Variants in ADAMTS16 observed in about 807,000 individuals in gnomAD.
ADAMTS16 encodes A disintegrin and metalloproteinase with thrombospondin motifs 16.
In ADAMTS16, 94 loss-of-function variants were observed where a neutral mutation model predicts 145.8. The ratio of observed to expected loss-of-function variants is 0.64; its 90% confidence interval spans 0.55 to 0.77. The LOEUF (loss-of-function observed/expected upper bound fraction) is 0.77, where lower values mean the gene tolerates loss of function less well. Among genes scored for constraint, ADAMTS16 ranks in the 30% least tolerant of loss-of-function variants. The pLI, the probability that ADAMTS16 is intolerant of heterozygous loss-of-function variation, is 0.00. For synonymous variants in ADAMTS16, 659 were observed against 604.3 expected, an observed-to-expected ratio of 1.09 and a Z score of -1.33; for missense variants, 1,585 against 1,591.5, an observed-to-expected ratio of 1.00 and a Z score of 0.07.
At chr5:5,256,667 C>T (rs1737793868) in intron 17 of ADAMTS16, among the ~76,000 whole-genome samples, 1 of 152,188 alleles carries the variant, frequency 6.6e-6, no homozygotes, top group South Asian at 2.1e-4. Flanking sequence ...CAAAGCAAAA[C>T]AGATTCCTTA....
intron 3 of ADAMTS16, among the ~76,000 whole-genome samples, chr5:5,172,592 G>A (rs1309716432): frequency 6.6e-6 from 1 of 151,994 alleles, no homozygotes; most frequent in Admixed American, 6.6e-5. Flanking sequence ...ATTTCATTGT[G>A]GTTAGAGAAA....
At chr5:5,211,302 G>GA (rs1230475248) in intron 10 of ADAMTS16, among the ~76,000 whole-genome samples, 12 of 152,036 alleles carry the variant, frequency 7.9e-5, no homozygotes, top group Non-Finnish European at 1.8e-4. Context: ...AATTTCATTG[G>GA]AAAAAGTAAA....
intron 18 of ADAMTS16, among the ~76,000 whole-genome samples, chr5:5,294,897 A>G (rs1739470892): frequency 6.6e-6 from 1 of 152,224 alleles, no homozygotes; most frequent in Non-Finnish European, 1.5e-5. Flanking sequence ...GATGTCTATA[A>G]GCAATGGTTT....
chr5:5,215,870 G>GTGTATATATATA (rs1260354840), intron 10 of ADAMTS16, among the ~76,000 whole-genome samples: 10 of 101,600 alleles, frequency 9.8e-5, no homozygotes, highest in South Asian at 3.0e-4. Context: ...GTGTGTATGT[G>GTGTATATATATA]TATATATATA....
At position 5,259,950 on chromosome 5, in the gene ADAMTS16, C is replaced by G. The variant is rs1737947326; in HGVS notation, c.2663-2707C>G. 2.0e-5 allele frequency among the ~76,000 whole-genome samples: 3 copies of G among 152,280 alleles called. No individual in the cohort carries two copies. The South Asian group carries it at 6.2e-4, about 32-fold the overall frequency. On this transcript the variant is annotated intron_variant, in intron 17 of 22. Transcript: ENST00000274181. The stretch of plus-strand genomic sequence containing the variant: ...CTCCCCCGACCTCCACTTCTCCTGC[C>G]TGGGGGGACTTTGGACACTCAAAGG...
At chr5:5,183,411 A>G (rs1039536984) in intron 4 of ADAMTS16, among the ~76,000 whole-genome samples, 1 of 152,214 alleles carries the variant, frequency 6.6e-6, no homozygotes, top group African/African-American at 2.4e-5. Context: ...AGGCTTCCCC[A>G]AGGTCAGAGT....
At chr5:5,198,400 C>G (rs1235758820) in intron 8 of ADAMTS16, among the ~76,000 whole-genome samples, 1 of 152,170 alleles carries the variant, frequency 6.6e-6, no homozygotes, top group African/African-American at 2.4e-5. Context: ...TGGTACTGAT[C>G]AAGAATTTTG....
intron 15 of ADAMTS16, 118 bp from the exon 16 acceptor site, chr5:5,239,563 T>TAC: frequency 7.0e-7 from 1 of 1,433,146 alleles, no homozygotes; most frequent in Non-Finnish European, 9.5e-7. Context: ...GAACACGTCT[T>TAC]CACCCAGTTC....
chr5:5,148,027 A>T (rs1486468733), intron 3 of ADAMTS16, among the ~76,000 whole-genome samples: 1 of 152,218 alleles, frequency 6.6e-6, no homozygotes, highest in Non-Finnish European at 1.5e-5. Context: ...GATCAGAGTT[A>T]ACAGGAAAAG....
chr5:5,318,371 G>A, intron 22 of ADAMTS16, 90 bp downstream of exon 22: 1 of 1,229,816 alleles, frequency 8.1e-7, no homozygotes, highest in Non-Finnish European at 1.1e-6. Flanking sequence ...TGGAGTTAGG[G>A]TCTTGCGTCT....
At chr5:5,244,722 A>G (rs1737390051) in intron 17 of ADAMTS16, among the ~76,000 whole-genome samples, 1 of 152,230 alleles carries the variant, frequency 6.6e-6, no homozygotes, top group Admixed American at 6.5e-5. Flanking sequence ...GGGAAGCACA[A>G]CGTGTTCTTC....
At chr5:5,243,295 C>T (rs1737351514) in intron 17 of ADAMTS16, among the ~76,000 whole-genome samples, 1 of 152,190 alleles carries the variant, frequency 6.6e-6, no homozygotes, top group Non-Finnish European at 1.5e-5. Context: ...TTAGGAAAAA[C>T]ATGACTACCT....
chr5:5,250,111 G>T (rs1033322852), intron 17 of ADAMTS16, among the ~76,000 whole-genome samples: 2 of 152,190 alleles, frequency 1.3e-5, no homozygotes, highest in Non-Finnish European at 2.9e-5. Flanking sequence ...AGGATAGGGG[G>T]CAAGGTGAGC....
chr5:5,316,518 G>A (rs1734063625), intron 21 of ADAMTS16, among the ~76,000 whole-genome samples: 1 of 152,114 alleles, frequency 6.6e-6, no homozygotes, highest in Admixed American at 6.5e-5. Flanking sequence ...ATCTTTAGCT[G>A]CCTAACCACT....
intron 17 of ADAMTS16, among the ~76,000 whole-genome samples, chr5:5,261,239 C>A (rs1043308228): frequency 1.3e-5 from 2 of 151,898 alleles, no homozygotes; most frequent in African/African-American, 4.8e-5. Flanking sequence ...CTTCCAGGCT[C>A]GAGTGATCTC....
At chr5:5,210,388 C>T (rs1736242843) in intron 10 of ADAMTS16, among the ~76,000 whole-genome samples, 2 of 152,134 alleles carry the variant, frequency 1.3e-5, no homozygotes, top group South Asian at 4.2e-4. Context: ...ATGCAAGGTG[C>T]ATTTTTATTA....
In ADAMTS16 at chr5:5,242,058, G is replaced by A. The variant is rs375548211; in HGVS notation, c.2529G>A (p.Leu843=). 1 of 1,613,892 alleles carries A rather than the reference G, an allele frequency of 6.2e-7. No individual in the cohort carries two copies. Among genetic ancestry groups the A allele is most frequent in the Non-Finnish European group, 8.5e-7 (1 of 1,179,914 alleles). The change falls in exon 17 of 23, where the codon CTG becomes CTA. Residue 843 remains leucine, a synonymous_variant. Coordinates refer to ENST00000274181, the MANE Select transcript of ADAMTS16 (RefSeq NM_139056.4). ...TCCCCTTTCTTATTTTGTAGCTGCT[G>A]TTTCAGGGAAGGAACCCGGGTGTTG... ...PTNETLIVEL[L]FQGRNPGVAW...
At chr5:5,233,562 G>T (rs1737002744) in intron 12 of ADAMTS16, among the ~76,000 whole-genome samples, 1 of 152,084 alleles carries the variant, frequency 6.6e-6, no homozygotes, top group Non-Finnish European at 1.5e-5. Context: ...TCATCATTCA[G>T]CTCTCACTTA....
chr5:5,309,855 T>TGTGTGTGTGTGTGC (rs1025058238), intron 21 of ADAMTS16, among the ~76,000 whole-genome samples: 2 of 149,684 alleles, frequency 1.3e-5, no homozygotes, highest in African/African-American at 4.9e-5. Context: ...TGTGTGTGTG[T>TGTGTGTGTGTGTGC]GCATGTGATC....
Sources: allele counts gnomAD v4.1 joint callset (sites outside exome capture counted in the v4.1 genomes callset), GRCh38; gene constraint gnomAD v4.1.1; transcripts MANE v1.5; gene names NCBI Gene and HGNC (gene_info 2026-07-23, HGNC 2026-07-21).